Variants in BRINP3 observed in about 807,000 individuals in gnomAD.
BRINP3 encodes the protein BMP/retinoic acid inducible neural specific 3, also known as BMP/retinoic acid-inducible neural-specific protein 3.
BRINP3 carries 19 observed loss-of-function variants against 71.0 expected under a neutral mutation model. The ratio of observed to expected loss-of-function variants is 0.27; its 90% CI spans 0.19 to 0.39. The LOEUF is 0.39. Ranked by LOEUF, BRINP3 falls within the 10% of genes least tolerant of loss-of-function variation. The pLI, the probability that BRINP3 is intolerant of heterozygous loss-of-function variation, is 1.00. For missense variants in BRINP3, 959 were observed against 940.8 expected (o/e 1.02, Z -0.25); for synonymous variants, 380 against 337.7 (o/e 1.13, Z -1.37).
chr1:190,322,325 C>T (rs1251497389), intron 2 of BRINP3, among the ~76,000 whole-genome samples: 2 of 151,876 alleles, frequency 1.3e-5, no homozygotes, highest in Non-Finnish European at 1.5e-5. Context: ...AAATACAGTC[C>T]AAAAATATTA....
At position 190,287,211 on chromosome 1, in the gene BRINP3, G is replaced by A. The variant is rs191158428; in HGVS notation, c.237-5461C>T. Among the ~76,000 whole-genome samples the A allele has an allele frequency of 5.6e-4, 86 of 152,268 alleles. 3 individuals carry two copies. In the East Asian group the frequency reaches 0.016, roughly 28 times the overall value. On this transcript the variant is annotated intron_variant, in intron 2 of 7. Coordinates refer to ENST00000367462, the MANE Select transcript of BRINP3 (RefSeq NM_199051.3). The stretch of plus-strand genomic sequence containing the variant: ...ACTGTACCCCAGCCTGGGCCGCAGA[G>A]CGAGACTCCATCTCAAAAAACAAAA...
chr1:190,340,533 C>G (rs953179446), intron 2 of BRINP3, among the ~76,000 whole-genome samples: 1 of 151,812 alleles, frequency 6.6e-6, no homozygotes, highest in African/African-American at 2.4e-5. Flanking sequence ...GAATTATGAA[C>G]AATTTATCCC....
intron 4 of BRINP3, among the ~76,000 whole-genome samples, chr1:190,247,804 G>T (rs1659746931): frequency 6.6e-6 from 1 of 151,798 alleles, no homozygotes; most frequent in African/African-American, 2.4e-5. Context: ...GCTATTCCAT[G>T]TTGGCGCGAC....
At chr1:190,265,563 A>ATATATATATATATATAT (rs1661585661) in intron 3 of BRINP3, among the ~76,000 whole-genome samples, 2 of 107,974 alleles carry the variant, frequency 1.9e-5, no homozygotes, top group African/African-American at 6.4e-5. Flanking sequence ...TATATATATA[A>ATATATATATATATATAT]ATTAGCCGGG....
At chr1:190,468,585 G>C (rs80298624) in intron 1 of BRINP3, among the ~76,000 whole-genome samples, 3,641 of 151,126 alleles carry the variant, frequency 0.024, 67 homozygotes, top group Non-Finnish European at 0.036. Context: ...TTTCCCTATA[G>C]GTAAGTTACT....
chr1:190,205,516 G>A (rs75541396), intron 6 of BRINP3, among the ~76,000 whole-genome samples: 1 of 151,994 alleles, frequency 6.6e-6, no homozygotes, highest in African/African-American at 2.4e-5. Context: ...TTGGGCAAAA[G>A]GTGCATTAAT....
At chr1:190,332,076 C>G (rs1345291159) in intron 2 of BRINP3, among the ~76,000 whole-genome samples, 1 of 151,970 alleles carries the variant, frequency 6.6e-6, no homozygotes, top group Non-Finnish European at 1.5e-5. Flanking sequence ...AAACTTACAT[C>G]AACCCTATTT....
chr1:190,196,483 A>G (rs1397899951), intron 6 of BRINP3, among the ~76,000 whole-genome samples: 1 of 152,108 alleles, frequency 6.6e-6, no homozygotes, highest in Non-Finnish European at 1.5e-5. Context: ...TTGCATTCCA[A>G]AGTAAACAGT....
At position 190,264,870 on chromosome 1, in the gene BRINP3, T is replaced by C. The variant is rs767672121; in HGVS notation, c.613A>G (p.Ile205Val). The C allele has an allele frequency of 1.9e-6, 3 of 1,613,130 alleles. No homozygotes were observed. The highest frequency in any genetic ancestry group is 2.5e-6 in the Non-Finnish European group (3 of 1,179,568). The change falls in exon 4 of 8, where the codon ATA (isoleucine) becomes GTA (valine). Residue 205 changes from isoleucine (I) to valine (V), a missense_variant. Transcript: ENST00000367462. Reference protein sequence around the residue: ...LHHIQIASTAIKVTETRTGPL... With the variant: ...LHHIQIASTAVKVTETRTGPL... ...TAGCGTAAACTCATTCTTACCTTTATGGCAGTGGATGCAATTTGAATGTGG... is the reference window on the plus strand; with the variant it reads ...TAGCGTAAACTCATTCTTACCTTTACGGCAGTGGATGCAATTTGAATGTGG...
chr1:190,265,166 T>C, intron 3 of BRINP3, 111 bp from the exon 4 acceptor site: 1 of 963,530 alleles, frequency 1.0e-6, no homozygotes, highest in Non-Finnish European at 1.5e-6. Context: ...AAAGGAGTGA[T>C]ATATGCCAAA....
At chr1:190,311,821 C>T (rs1296289779) in intron 2 of BRINP3, among the ~76,000 whole-genome samples, 1 of 150,072 alleles carries the variant, frequency 6.7e-6, no homozygotes. Context: ...ATAAAACAAT[C>T]GTAAAGTCTA....
At chr1:190,422,656 TTA>T (rs1673458511) in intron 2 of BRINP3, among the ~76,000 whole-genome samples, 1 of 151,808 alleles carries the variant, frequency 6.6e-6, no homozygotes, top group Non-Finnish European at 1.5e-5. Context: ...ACATACTGGT[TTA>T]TCACAAAAGG....
intron 3 of BRINP3, among the ~76,000 whole-genome samples, chr1:190,274,492 GA>G (rs1662379970): frequency 6.6e-6 from 1 of 151,508 alleles, no homozygotes; most frequent in African/African-American, 2.4e-5. Flanking sequence ...AATGCTATTT[GA>G]GTGAAAATCC....
chr1:190,412,713 C>T (rs895105276), intron 2 of BRINP3, among the ~76,000 whole-genome samples: 1 of 151,634 alleles, frequency 6.6e-6, no homozygotes, highest in South Asian at 2.1e-4. Context: ...CCGCCCGCCT[C>T]GGCCTCCCAA....
At chr1:190,188,596 A>C (rs780108241) in intron 6 of BRINP3, among the ~76,000 whole-genome samples, 25 of 150,036 alleles carry the variant, frequency 1.7e-4, no homozygotes, top group Non-Finnish European at 3.5e-4. Flanking sequence ...CACCTTCTGC[A>C]TCTATTGAAA....
intron 5 of BRINP3, among the ~76,000 whole-genome samples, chr1:190,228,623 C>T (rs1470071485): frequency 6.6e-6 from 1 of 151,788 alleles, no homozygotes; most frequent in Admixed American, 6.6e-5. Flanking sequence ...TTCTGTAAAA[C>T]CATTATAAAA....
intron 2 of BRINP3, among the ~76,000 whole-genome samples, chr1:190,320,526 TATTC>T (rs200952300): frequency 2.8e-4 from 42 of 152,130 alleles, no homozygotes; most frequent in Non-Finnish European, 5.6e-4. Flanking sequence ...AATTTGTATT[TATTC>T]ATTCATTCAT....
At position 190,098,748 on chromosome 1, in the gene BRINP3, C is replaced by A. The variant is rs2102233187; in HGVS notation, c.1571G>T (p.Trp524Leu). ...FISNDMRLNSWFDPSWRKRML... is the reference protein window; with the variant it reads ...FISNDMRLNSLFDPSWRKRML... ...CCGCTTACGCCAGGAGGGATCAAAC[C>A]AGCTATTGAGGCGCATGTCATTGCT... is the stretch of plus-strand genomic sequence containing the variant. The change falls in exon 8 of 8, where the codon TGG (tryptophan) becomes TTG (leucine). Residue 524 changes from tryptophan (W) to leucine (L), a missense_variant. Coordinates refer to ENST00000367462, the MANE Select transcript of BRINP3 (RefSeq NM_199051.3). 6.2e-7 allele frequency: 1 copy of A among 1,614,194 alleles called. No homozygotes were observed. Among genetic ancestry groups the A allele is most frequent in the Non-Finnish European group, 8.5e-7 (1 of 1,180,044 alleles).
intron 2 of BRINP3, among the ~76,000 whole-genome samples, chr1:190,298,922 G>A (rs1406656572): frequency 6.6e-6 from 1 of 152,062 alleles, no homozygotes; most frequent in Non-Finnish European, 1.5e-5. Flanking sequence ...ATCAATAGTT[G>A]TGAATTATTT....
Sources: allele counts gnomAD v4.1 joint callset (sites outside exome capture counted in the v4.1 genomes callset), GRCh38; gene constraint gnomAD v4.1.1; transcripts MANE v1.5; gene names NCBI Gene and HGNC (gene_info 2026-07-23, HGNC 2026-07-21).